The following GPHN variants were observed in gnomAD, a reference collection of about 807,000 sequenced individuals.
GPHN encodes the protein gephyrin.
A neutral mutation model predicts 95.5 loss-of-function variants in GPHN; 17 were observed. That is an observed-to-expected ratio of 0.18 (90% confidence interval 0.12 to 0.27). The LOEUF (loss-of-function observed/expected upper bound fraction) is 0.27, where lower values mean the gene tolerates loss of function less well. Among genes scored for constraint, GPHN ranks in the 10% least tolerant of loss-of-function variants. The pLI is 1.00. For synonymous variants in GPHN, 320 were observed against 322.5 expected (o/e 0.99, Z 0.08); for missense variants, 660 against 978.1 (o/e 0.67, Z 4.34).
chr14:67,571,771 A>G, the GPHN span: 2 of 1,613,970 alleles, frequency 1.2e-6, no homozygotes, highest in African/African-American at 2.7e-5. Context: ...CAGATCAGCA[A>G]CATGCCCTTT....
chr14:67,688,491 C>G, the GPHN span, among the ~76,000 whole-genome samples: 2 of 151,786 alleles, frequency 1.3e-5, no homozygotes, highest in African/African-American at 4.8e-5. Context: ...AAGGGGCACA[C>G]AAGCTGTTGA....
the GPHN span, among the ~76,000 whole-genome samples, chr14:67,493,540 A>T: frequency 6.6e-6 from 1 of 152,172 alleles, no homozygotes. Flanking sequence ...TTGCTGAGAA[A>T]ACTTTTTCTG....
At chr14:67,720,180 G>A in the GPHN span, among the ~76,000 whole-genome samples, 2 of 152,150 alleles carry the variant, frequency 1.3e-5, no homozygotes, top group African/African-American at 4.8e-5. Context: ...TATGAGTGAG[G>A]GTGAAGAGCC....
At chr14:66,767,551 TTAGTA>T (rs2059010311) in intron 2 of GPHN, among the ~76,000 whole-genome samples, 1 of 151,902 alleles carries the variant, frequency 6.6e-6, no homozygotes, top group South Asian at 2.1e-4. Context: ...TTCTGTCTTC[TTAGTA>T]AGACAGAGGG....
chr14:67,506,293 A>C, the GPHN span, among the ~76,000 whole-genome samples: 3 of 152,192 alleles, frequency 2.0e-5, no homozygotes, highest in African/African-American at 7.2e-5. Flanking sequence ...ACCGTCTCCT[A>C]TGAATAACCA....
chr14:67,122,987 T>C (rs906657860), intron 17 of GPHN, among the ~76,000 whole-genome samples: 1 of 152,344 alleles, frequency 6.6e-6, no homozygotes, highest in African/African-American at 2.4e-5. Flanking sequence ...CTGTCTCATG[T>C]GTGATCAAAA....
chr14:67,409,296 C>G, the GPHN span, among the ~76,000 whole-genome samples: 1 of 150,818 alleles, frequency 6.6e-6, no homozygotes, highest in Admixed American at 6.6e-5. Flanking sequence ...CTAATCTCAG[C>G]ACTCTGGGAG....
At chr14:67,690,267 A>G in the GPHN span, 1 of 1,614,118 alleles carries the variant, frequency 6.2e-7, no homozygotes, top group South Asian at 1.1e-5. Flanking sequence ...GCTTGCTGTG[A>G]CAGTAGGCCA....
intron 18 of GPHN, among the ~76,000 whole-genome samples, chr14:67,144,248 A>ATATATATAT (rs1205670543): frequency 2.4e-4 from 15 of 62,568 alleles, no homozygotes; most frequent in South Asian, 6.3e-4. Flanking sequence ...AAAAAAAAAA[A>ATATATATAT]AAATATATAT....
the GPHN span, among the ~76,000 whole-genome samples, chr14:67,597,356 T>TA: frequency 2.3e-4 from 35 of 152,298 alleles, no homozygotes; most frequent in Non-Finnish European, 1.9e-4. Context: ...CACATGCCTG[T>TA]AGTCCCAGCT....
At chr14:66,605,187 A>G (rs2062463954) in intron 1 of GPHN, among the ~76,000 whole-genome samples, 2 of 151,422 alleles carry the variant, frequency 1.3e-5, no homozygotes, top group African/African-American at 2.4e-5. Flanking sequence ...TTTTTTTAGG[A>G]TAATTTATTT....
At chr14:67,030,051 T>A (rs538483247) in intron 10 of GPHN, among the ~76,000 whole-genome samples, 4 of 151,578 alleles carry the variant, frequency 2.6e-5, no homozygotes, top group Non-Finnish European at 5.9e-5. Flanking sequence ...CTCTCATAGA[T>A]CTTCCATTCA....
At chr14:67,608,899 C>T in the GPHN span, among the ~76,000 whole-genome samples, 1 of 152,330 alleles carries the variant, frequency 6.6e-6, no homozygotes, top group South Asian at 2.1e-4. Context: ...TTGTTTCTCA[C>T]AACACAGAAA....
rs1013568015 is a variant in GPHN at position 66,905,543 on chromosome 14, G to A, written c.390-10460G>A. Among the ~76,000 whole-genome samples, 5 of 152,010 alleles carry A rather than the reference G, an allele frequency of 3.3e-5. No homozygotes were observed. In the South Asian group the frequency reaches 1.0e-3, roughly 31 times the overall value. ...TTAGTTATATTTATTCCAGTGTTCT[G>A]TCTGGCTTGTTTCGCTTTTTTGTGT... is the stretch of plus-strand genomic sequence containing the variant. On this transcript the variant is annotated intron_variant, in intron 5 of 22. Transcript: ENST00000478722.
intron 4 of GPHN, among the ~76,000 whole-genome samples, chr14:66,859,534 A>G (rs1409932645): frequency 6.6e-6 from 1 of 152,242 alleles, no homozygotes; most frequent in Admixed American, 6.5e-5. Context: ...TGCGAAAGCT[A>G]ATAAATACCT....
intron 8 of GPHN, among the ~76,000 whole-genome samples, chr14:66,946,159 TA>T (rs1040776217): frequency 5.9e-5 from 9 of 152,174 alleles, no homozygotes; most frequent in South Asian, 2.1e-4. Flanking sequence ...GATAATGAAA[TA>T]TTTTTTTTAA....
At chr14:66,860,011 T>C (rs143856442) in intron 4 of GPHN, among the ~76,000 whole-genome samples, 1 of 152,088 alleles carries the variant, frequency 6.6e-6, no homozygotes, top group Non-Finnish European at 1.5e-5. Context: ...CTAAGAGTTA[T>C]TGGCCTTAAA....
chr14:67,037,392 G>A (rs1056892394), intron 10 of GPHN, among the ~76,000 whole-genome samples: 10 of 151,912 alleles, frequency 6.6e-5, no homozygotes, highest in Admixed American at 1.3e-4. Context: ...AATGGGAAAC[G>A]ATCTCTTGGA....
chr14:67,071,588 A>G (rs1044981883), intron 11 of GPHN, among the ~76,000 whole-genome samples: 2 of 152,066 alleles, frequency 1.3e-5, no homozygotes, highest in Admixed American at 6.6e-5. Flanking sequence ...CATACATACC[A>G]AACCTGCACG....
Sources: allele counts gnomAD v4.1 joint callset (sites outside exome capture counted in the v4.1 genomes callset), GRCh38; gene constraint gnomAD v4.1.1; transcripts MANE v1.5; gene names NCBI Gene and HGNC (gene_info 2026-07-23, HGNC 2026-07-21).